MAPK14: variants seen among roughly 807,000 people sequenced by gnomAD.
The protein encoded by MAPK14 is mitogen-activated protein kinase 14.
A neutral mutation model predicts 49.6 loss-of-function variants in MAPK14; 16 were observed. The observed-to-expected ratio is 0.32, with a 90% confidence interval of 0.22 to 0.49. The LOEUF (loss-of-function observed/expected upper bound fraction) is 0.49. Ranked by LOEUF, MAPK14 falls within the 20% of genes least tolerant of loss-of-function variation. The probability of loss-of-function intolerance (pLI) is 0.99; values close to 1 mark genes in which losing one functional copy is unlikely to be tolerated. For synonymous variants in MAPK14, 142 were observed against 158.0 expected, an observed-to-expected ratio of 0.90 and a Z score of 0.76; for missense variants, 200 against 441.2, an observed-to-expected ratio of 0.45 and a Z score of 4.90.
At chr6:36,052,104 G>A (rs1294902042) in intron 1 of MAPK14, among the ~76,000 whole-genome samples, 2 of 151,960 alleles carry the variant, frequency 1.3e-5, no homozygotes, top group African/African-American at 4.8e-5. Context: ...ATTCTGTTCT[G>A]CTCTTCCCCC....
intron 8 of MAPK14, among the ~76,000 whole-genome samples, chr6:36,087,304 A>G (rs1765024882): frequency 6.6e-6 from 1 of 152,230 alleles, no homozygotes. Context: ...GGCAAAAGAA[A>G]GAAAGAAAGG....
chr6:36,068,009 T>A (rs1324018558), intron 3 of MAPK14, among the ~76,000 whole-genome samples: 1 of 152,092 alleles, frequency 6.6e-6, no homozygotes, highest in Non-Finnish European at 1.5e-5. Flanking sequence ...ACAATAATGC[T>A]ATAACTAAAA....
intron 3 of MAPK14, among the ~76,000 whole-genome samples, chr6:36,070,685 T>C (rs778126417): frequency 1.3e-5 from 2 of 152,168 alleles, no homozygotes; most frequent in African/African-American, 2.4e-5. Context: ...TGCAACTAGG[T>C]TAAGTCCTGT....
chr6:36,090,117 A>T (rs1216344503), intron 8 of MAPK14, among the ~76,000 whole-genome samples: 1 of 151,788 alleles, frequency 6.6e-6, no homozygotes, highest in Non-Finnish European at 1.5e-5. Flanking sequence ...TTCCTAGTGT[A>T]TTAAATTTGC....
At chr6:36,123,834 A>C in the MAPK14 span, among the ~76,000 whole-genome samples, 1 of 152,096 alleles carries the variant, frequency 6.6e-6, no homozygotes, top group Non-Finnish European at 1.5e-5. Flanking sequence ...GGTGGAGTGG[A>C]GGGTGACATG....
At chr6:36,059,446 A>C in intron 3 of MAPK14, 99 bp downstream of exon 3, 2 of 857,208 alleles carry the variant, frequency 2.3e-6, no homozygotes, top group East Asian at 4.9e-5. Flanking sequence ...GACTTCAAAA[A>C]ATTCTTTATT....
intron 8 of MAPK14, among the ~76,000 whole-genome samples, chr6:36,094,515 A>C (rs1018544407): frequency 6.6e-6 from 1 of 152,242 alleles, no homozygotes; most frequent in African/African-American, 2.4e-5. Flanking sequence ...TTCATGTCTG[A>C]AAGAAAGTAA....
chr6:36,050,945 T>C (rs944762669), intron 1 of MAPK14, among the ~76,000 whole-genome samples: 1 of 151,974 alleles, frequency 6.6e-6, no homozygotes, highest in African/African-American at 2.4e-5. Context: ...CCATAAAAGT[T>C]TGGGAGTGAA....
At chr6:36,103,895 C>T (rs1019598531) in intron 10 of MAPK14, among the ~76,000 whole-genome samples, 2 of 152,182 alleles carry the variant, frequency 1.3e-5, no homozygotes, top group Admixed American at 6.5e-5. Flanking sequence ...TTCTTTGCAT[C>T]TGTTTGGGTC....
chr6:36,028,164 C>T lies in MAPK14; in HGVS notation c.7C>T (p.Gln3Ter), dbSNP rs1173776676. 2 of 1,612,396 alleles carry T rather than the reference C, an allele frequency of 1.2e-6. No homozygotes were observed. The highest frequency in any genetic ancestry group is 1.7e-6 in the Non-Finnish European group (2 of 1,178,736). ...CGGCGGCTGCCGCTGGAAAATGTCTCAGGAGAGGCCCACGTTCTACCGGCA... is the reference window on the plus strand; with the variant it reads ...CGGCGGCTGCCGCTGGAAAATGTCTTAGGAGAGGCCCACGTTCTACCGGCA... MS[Q>*]ERPTFYRQEL... The change falls in exon 1 of 12, where the codon CAG becomes TAG. Residue 3 changes from glutamine to a stop codon, truncating the protein, a stop_gained. Coordinates refer to ENST00000229794, the MANE Select transcript of MAPK14 (RefSeq NM_139012.3). LOFTEE classifies it high-confidence loss of function. The surrounding 1 kb of genome is among the most constrained non-coding windows in gnomAD (Gnocchi z 5.1).
intron 6 of MAPK14, 142 bp from the exon 7 acceptor site, chr6:36,075,706 C>T: frequency 9.3e-7 from 1 of 1,079,626 alleles, no homozygotes; most frequent in Non-Finnish European, 1.4e-6. Context: ...AAGTATGGAC[C>T]AGGAAATCTC....
intron 8 of MAPK14, among the ~76,000 whole-genome samples, chr6:36,079,629 C>T (rs141914302): frequency 6.6e-6 from 1 of 152,188 alleles, no homozygotes; most frequent in African/African-American, 2.4e-5. Context: ...AGAAGGTACT[C>T]ATTGTTTGAG....
chr6:36,050,354 G>A (rs1763345992), intron 1 of MAPK14, among the ~76,000 whole-genome samples: 1 of 152,146 alleles, frequency 6.6e-6, no homozygotes, highest in Non-Finnish European at 1.5e-5. Context: ...TTGTAGTCAG[G>A]GTACAAGTAA....
chr6:36,043,681 T>G (rs1261125689), intron 1 of MAPK14, among the ~76,000 whole-genome samples: 4 of 152,176 alleles, frequency 2.6e-5, no homozygotes, highest in African/African-American at 9.7e-5. Flanking sequence ...TTTTGAAGAC[T>G]ATTATTAATT....
At chr6:36,106,925 C>A (rs1331864432) in intron 10 of MAPK14, among the ~76,000 whole-genome samples, 2 of 151,902 alleles carry the variant, frequency 1.3e-5, no homozygotes, top group Non-Finnish European at 2.9e-5. Context: ...AAAAAACAGC[C>A]CTGCCTACCT....
intron 3 of MAPK14, 149 bp from the exon 4 acceptor site, chr6:36,072,724 C>T (rs1764354950): frequency 2.0e-6 from 1 of 505,456 alleles, no homozygotes; most frequent in South Asian, 2.4e-5. Flanking sequence ...GAGATTGCGC[C>T]ACTGCACTCC....
At chr6:36,121,339 A>C in the MAPK14 span, among the ~76,000 whole-genome samples, 1 of 152,100 alleles carries the variant, frequency 6.6e-6, no homozygotes, top group Non-Finnish European at 1.5e-5. Context: ...GGCTGCTCTG[A>C]AACAGGAAGA....
intron 4 of MAPK14, among the ~76,000 whole-genome samples, chr6:36,073,450 C>T (rs997999130): frequency 6.6e-6 from 1 of 152,154 alleles, no homozygotes; most frequent in African/African-American, 2.4e-5. Context: ...TGCTTTGAGT[C>T]CTTATTGAGC....
chr6:36,075,380 A>G (rs1370138259), intron 6 of MAPK14, among the ~76,000 whole-genome samples: 1 of 152,120 alleles, frequency 6.6e-6, no homozygotes, highest in Non-Finnish European at 1.5e-5. Flanking sequence ...ATGGAATCAT[A>G]TAGTGTGTAT....
Sources: gnomAD v4.1 joint callset for allele counts (sites outside exome capture counted in the v4.1 genomes callset) on GRCh38, gnomAD v4.1.1 for gene constraint, Gnocchi (gnomAD v3.1) non-coding constraint, MANE v1.5 for transcripts, NCBI Gene and HGNC (gene_info 2026-07-23, HGNC 2026-07-21) for gene names.